Variants in PLEKHG1 observed in about 807,000 individuals in gnomAD.
The protein encoded by PLEKHG1 is pleckstrin homology and RhoGEF domain containing G1.
A neutral mutation model predicts 100.8 loss-of-function variants in PLEKHG1; 44 were observed. The observed-to-expected ratio is 0.44, with a 90% CI of 0.34 to 0.56. The LOEUF (loss-of-function observed/expected upper bound fraction) is 0.56, where lower values mean the gene tolerates loss of function less well. Among genes scored for constraint, PLEKHG1 ranks in the 20% least tolerant of loss-of-function variants. The probability of loss-of-function intolerance (pLI) is 0.01; values close to 1 mark genes in which losing one functional copy is unlikely to be tolerated. For synonymous variants in PLEKHG1, 640 were observed against 662.5 expected, an observed-to-expected ratio of 0.97 and a Z score of 0.52; for missense variants, 1,545 against 1,720.9, an observed-to-expected ratio of 0.90 and a Z score of 1.81.
chr6:150,812,135 G>A (rs893984730), intron 10 of PLEKHG1, among the ~76,000 whole-genome samples: 1 of 152,158 alleles, frequency 6.6e-6, no homozygotes, highest in Non-Finnish European at 1.5e-5. Flanking sequence ...TGTGAGATGG[G>A]AGTGAGAGAG....
chr6:150,685,957 A>G lies in PLEKHG1; in HGVS notation c.-99+35171A>G, dbSNP rs149332816. Among the ~76,000 whole-genome samples the G allele has an allele frequency of 1.7e-4, 26 of 152,324 alleles. 1 individual carries two copies. The highest frequency in any genetic ancestry group is 2.4e-4 in the Non-Finnish European group (16 of 68,030). ...TCTCAGGCTGCCTACAGCCAATTCA[A>G]TCTCAACTTCTACCACCTAGGCTGA... On this transcript the variant is annotated intron_variant, in intron 3 of 3. Coordinates refer to the PLEKHG1 transcript ENST00000367326.
At chr6:150,715,436 A>T (rs1781388577) in intron 3 of PLEKHG1, among the ~76,000 whole-genome samples, 1 of 151,432 alleles carries the variant, frequency 6.6e-6, no homozygotes, top group Admixed American at 6.6e-5. Context: ...CGGAAGTGTG[A>T]CACCTTTTGG....
chr6:150,778,978 G>A (rs1370610053), intron 3 of PLEKHG1, among the ~76,000 whole-genome samples: 1 of 152,206 alleles, frequency 6.6e-6, no homozygotes, highest in Non-Finnish European at 1.5e-5. Flanking sequence ...GAGTGGAACA[G>A]CAAACAAATC....
chr6:150,600,310 C>T lies in PLEKHG1; in HGVS notation c.-204+293C>T, dbSNP rs544783219. On this transcript the variant is annotated intron_variant, in intron 1 of 3. Coordinates refer to the PLEKHG1 transcript ENST00000367326. The surrounding 1 kb of genome is among the most constrained non-coding windows in gnomAD (Gnocchi z 6.2). ...TCGGGGATGCTGCCCGCCGCCGCCCCGCTTGGGGTTCCGCGCCCCCAAGTT... is the reference window on the plus strand; with the variant it reads ...TCGGGGATGCTGCCCGCCGCCGCCCTGCTTGGGGTTCCGCGCCCCCAAGTT... Among the ~76,000 whole-genome samples, 3 of 151,808 alleles carry T rather than the reference C, an allele frequency of 2.0e-5. No individual in the cohort carries two copies. The highest frequency in any genetic ancestry group is 4.2e-4 in the South Asian group (2 of 4,818).
chr6:150,645,077 T>C (rs752612770), intron 2 of PLEKHG1, among the ~76,000 whole-genome samples: 3 of 152,238 alleles, frequency 2.0e-5, no homozygotes, highest in Non-Finnish European at 4.4e-5. Flanking sequence ...ATGTTATTTA[T>C]ATTGCTACAA....
intron 14 of PLEKHG1, among the ~76,000 whole-genome samples, chr6:150,825,230 A>G (rs1035049892): frequency 2.0e-5 from 3 of 152,186 alleles, no homozygotes; most frequent in African/African-American, 7.2e-5. Context: ...TCCTAATAGT[A>G]ATGTGCTGAA....
At chr6:150,713,679 C>T (rs1004893718) in intron 3 of PLEKHG1, among the ~76,000 whole-genome samples, 3 of 152,134 alleles carry the variant, frequency 2.0e-5, no homozygotes, top group African/African-American at 7.2e-5. Flanking sequence ...CTGTGTCTCC[C>T]CTGCAAGCTA....
At chr6:150,690,661 G>A (rs1582949053) in intron 3 of PLEKHG1, among the ~76,000 whole-genome samples, 2 of 152,160 alleles carry the variant, frequency 1.3e-5, no homozygotes, top group South Asian at 4.1e-4. Context: ...GAGGAAGGGT[G>A]CAAAATGAAA....
chr6:150,787,896 G>T (rs1785722836), intron 4 of PLEKHG1, among the ~76,000 whole-genome samples: 1 of 152,138 alleles, frequency 6.6e-6, no homozygotes, highest in South Asian at 2.1e-4. Context: ...CAAGTTGCCT[G>T]TGTCAAAATT....
intron 3 of PLEKHG1, among the ~76,000 whole-genome samples, chr6:150,776,691 T>C (rs1784983042): frequency 6.8e-6 from 1 of 147,504 alleles, no homozygotes; most frequent in African/African-American, 2.6e-5. Flanking sequence ...GATGCAATCC[T>C]GGCGTACATG....
At position 150,684,000 on chromosome 6, in the gene PLEKHG1, C is replaced by T. The variant is rs550135381; in HGVS notation, c.-99+33214C>T. On this transcript the variant is annotated intron_variant, in intron 3 of 3. Transcript: ENST00000367326. The surrounding 1 kb of genome is among the most constrained non-coding windows in gnomAD (Gnocchi z 4.0). ...TCAGGCAGCCTCCTCGGGCGGAGAC[C>T]GCAGGTAGATGTCCCTGGCCTCTGG... 239 of 356,736 alleles carry T rather than the reference C, an allele frequency of 6.7e-4. 2 individuals are homozygous for T. Among genetic ancestry groups the T allele is most frequent in the South Asian group, 4.9e-3 (228 of 46,198 alleles). 22.1% of individuals were successfully genotyped at this position (356,736 alleles called of 1,614,324 possible).
chr6:150,680,039 A>C (rs1779882148), intron 3 of PLEKHG1, among the ~76,000 whole-genome samples: 2 of 152,204 alleles, frequency 1.3e-5, no homozygotes. Context: ...AGGCCAGGTT[A>C]CATACAGGTT....
At chr6:150,639,561 T>C (rs1302896933) in intron 2 of PLEKHG1, among the ~76,000 whole-genome samples, 1 of 152,172 alleles carries the variant, frequency 6.6e-6, no homozygotes, top group Non-Finnish European at 1.5e-5. Flanking sequence ...TTTTTTTATT[T>C]TGAAAAACAA....
chr6:150,839,208 A>T (rs1777384517), intron 15 of PLEKHG1, among the ~76,000 whole-genome samples: 1 of 152,132 alleles, frequency 6.6e-6, no homozygotes. Context: ...TCCGCCTCCC[A>T]GGTTCAAGCA....
chr6:150,666,642 TGGA>T (rs1562422581), intron 3 of PLEKHG1, among the ~76,000 whole-genome samples: 1 of 152,064 alleles, frequency 6.6e-6, no homozygotes, highest in Non-Finnish European at 1.5e-5. Context: ...AATTGCAGTC[TGGA>T]GAGAGCTGGC....
At chr6:150,721,609 A>G (rs117182764) in intron 1 of PLEKHG1, among the ~76,000 whole-genome samples, 469 of 152,356 alleles carry the variant, frequency 3.1e-3, no homozygotes, top group Admixed American at 5.1e-3. Flanking sequence ...TATGCAGTCA[A>G]AGTTGGAGGA....
At chr6:150,639,463 ATCC>A (rs1254089990) in intron 2 of PLEKHG1, among the ~76,000 whole-genome samples, 1 of 152,060 alleles carries the variant, frequency 6.6e-6, no homozygotes, top group Non-Finnish European at 1.5e-5. Flanking sequence ...AATTACAGTC[ATCC>A]TCTGGTGATC....
intron 1 of PLEKHG1, among the ~76,000 whole-genome samples, chr6:150,632,119 T>TA (rs2128562115): frequency 6.6e-6 from 1 of 152,310 alleles, no homozygotes; most frequent in African/African-American, 2.4e-5. Flanking sequence ...AATTTGCTCC[T>TA]AAAAATGTGC....
intron 2 of PLEKHG1, 97 bp downstream of exon 3, chr6:150,734,189 G>C: frequency 8.4e-7 from 1 of 1,188,698 alleles, no homozygotes; most frequent in Non-Finnish European, 1.2e-6. Flanking sequence ...TGTCTTCTAA[G>C]AGGCGGAAGG....
Sources: allele counts gnomAD v4.1 joint callset (sites outside exome capture counted in the v4.1 genomes callset), GRCh38; gene constraint gnomAD v4.1.1; non-coding constraint Gnocchi (gnomAD v3.1); transcripts MANE v1.5; gene names NCBI Gene and HGNC (gene_info 2026-07-23, HGNC 2026-07-21).